Variants in SCGB1A1 observed in about 807,000 individuals in gnomAD.
SCGB1A1 encodes the protein uteroglobin.
A neutral mutation model predicts 7.5 loss-of-function variants in SCGB1A1; 8 were observed. The observed-to-expected ratio is 1.07, with a 90% CI of 0.63 to 1.92. The LOEUF is 1.92. SCGB1A1 is among the 30% of genes most tolerant of loss of function. The pLI is 0.00. For missense variants in SCGB1A1, 121 were observed against 112.7 expected, an observed-to-expected ratio of 1.07 and a Z score of -0.33; for synonymous variants, 44 against 40.8, an observed-to-expected ratio of 1.08 and a Z score of -0.30.
At chr11:62,420,311 A>G (rs1290395208) in intron 1 of SCGB1A1, among the ~76,000 whole-genome samples, 1 of 135,092 alleles carries the variant, frequency 7.4e-6, no homozygotes, top group East Asian at 2.1e-4. Flanking sequence ...ATCTCTTTTC[A>G]TTCTTTTTTT....
At chr11:62,422,181 G>C in intron 1 of SCGB1A1, 40 bp from the exon 2 acceptor site, 1 of 1,539,808 alleles carries the variant, frequency 6.5e-7, no homozygotes. Context: ...AGCTTGGAAA[G>C]GGGCCTGGAG....
intron 2 of SCGB1A1, among the ~76,000 whole-genome samples, 163 bp downstream of exon 2, chr11:62,422,571 CT>C (rs35723955): frequency 2.0e-3 from 221 of 112,376 alleles, no homozygotes; most frequent in African/African-American, 5.3e-3. Flanking sequence ...TCTCCTCTTC[CT>C]TTTTTTTTTT....
In SCGB1A1 at chr11:62,422,299, C is replaced by G; in HGVS notation, c.134C>G (p.Ala45Gly). The change falls in exon 2 of 3, where the codon GCC (alanine) becomes GGC (glycine). Residue 45 changes from alanine (A) to glycine (G), a missense_variant. Physicochemically the swap from Ala to Gly is moderately conservative, Grantham distance 60. Transcript: ENST00000278282. The stretch of plus-strand genomic sequence containing the variant: ...GACACACCCTCCAGTTATGAGGCTG[C>G]CATGGAACTTTTCAGCCCTGATCAA... The part of the protein sequence containing the change: ...LMDTPSSYEA[A>G]MELFSPDQDM... 6.2e-7 allele frequency: 1 copy of G among 1,614,056 alleles called. No individual in the cohort carries two copies. Among genetic ancestry groups the G allele is most frequent in the Non-Finnish European group, 8.5e-7 (1 of 1,179,940 alleles).
chr11:62,423,143 T>G lies in SCGB1A1; in HGVS notation c.*52T>G, dbSNP rs746787232. ...GCTCCAGCCTCTGCCGCTGCCATGC[T>G]TTGAGTCCACGCCCACCAGCCTTGC... On this transcript the variant is annotated 3_prime_UTR_variant, in exon 3 of 3. Transcript: ENST00000278282. 2.6e-6 allele frequency: 4 copies of G among 1,567,492 alleles called. No individual in the cohort carries two copies. Among genetic ancestry groups the G allele is most frequent in the Non-Finnish European group, 2.6e-6 (3 of 1,137,750 alleles).
rs746269076 is a variant in SCGB1A1, at chr11:62,422,322, CA to C, written c.159del (p.Asp54ThrfsTer2). The C allele has an allele frequency of 6.2e-7, 1 of 1,614,144 alleles. No individual in the cohort carries two copies. The highest frequency in any genetic ancestry group is 1.7e-5 in the Admixed American group (1 of 60,022). On this transcript the variant is annotated frameshift_variant, in exon 2 of 3. Transcript: ENST00000278282. LOFTEE classifies it high-confidence loss of function. ...TGCCATGGAACTTTTCAGCCCTGAT[CA>C]AGACATGAGGGAGGCAGGGGCTCAG... ...EAAMELFSPD[Q>X]DMREAGAQLK...
intron 1 of SCGB1A1, among the ~76,000 whole-genome samples, chr11:62,421,341 A>C (rs1404449048): frequency 6.6e-6 from 1 of 152,194 alleles, no homozygotes; most frequent in Non-Finnish European, 1.5e-5. Flanking sequence ...AAGTGGTACA[A>C]GTGGCTGCTC....
chr11:62,419,623 G>T (rs1426413409), intron 1 of SCGB1A1, among the ~76,000 whole-genome samples: 1 of 152,286 alleles, frequency 6.6e-6, no homozygotes, highest in South Asian at 2.1e-4. Flanking sequence ...CCCAAGACAA[G>T]GTCTCTCATT....
intron 1 of SCGB1A1, among the ~76,000 whole-genome samples, chr11:62,420,054 G>A (rs1269245043): frequency 1.3e-5 from 2 of 152,182 alleles, no homozygotes; most frequent in African/African-American, 2.4e-5. Flanking sequence ...AGAAGCAGTA[G>A]GAACAACTAT....
At chr11:62,420,190 A>G (rs1937745715) in intron 1 of SCGB1A1, among the ~76,000 whole-genome samples, 1 of 152,186 alleles carries the variant, frequency 6.6e-6, no homozygotes, top group Admixed American at 6.5e-5. Context: ...TAGGACTGCA[A>G]CATGTTAAGG....
At chr11:62,421,995 G>A (rs896150322) in intron 1 of SCGB1A1, 4 of 386,224 alleles carry the variant, frequency 1.0e-5, no homozygotes, top group Non-Finnish European at 1.9e-5. Context: ...TCAATACTCT[G>A]CCTTGATCTC....
intron 2 of SCGB1A1, among the ~76,000 whole-genome samples, chr11:62,422,825 CAG>C: frequency 6.6e-6 from 1 of 152,134 alleles, no homozygotes; most frequent in African/African-American, 2.4e-5. Flanking sequence ...CCACCCGCCT[CAG>C]CCTCCCAAAG....
chr11:62,421,491 T>TCTTG (rs10676203), intron 1 of SCGB1A1, among the ~76,000 whole-genome samples: 50,571 of 148,616 alleles, frequency 0.34, 8,760 homozygotes, highest in South Asian at 0.36. Context: ...TTTTCTTTTC[T>TCTTG]CTTGCTTGCT....
At chr11:62,419,239 A>G in intron 1 of SCGB1A1, 89 bp downstream of exon 1, 1 of 1,086,902 alleles carries the variant, frequency 9.2e-7, no homozygotes. Flanking sequence ...TGAGCTGCCC[A>G]TTCCTGCTCT....
chr11:62,422,976 C>T, intron 2 of SCGB1A1, 83 bp from the exon 3 acceptor site: 1 of 1,306,428 alleles, frequency 7.7e-7, no homozygotes, highest in Middle Eastern at 1.8e-4. Flanking sequence ...GTTGAAGTTT[C>T]TGTGGCTCGT....
rs1937837394 is a variant in SCGB1A1, at chr11:62,422,911, T to C, written c.244-148T>C. ...TTTGTAAGAGGCTTTTGAGAAACAA[T>C]CCAAGCCCTTACTACCTTAGTTCCT... On this transcript the variant is annotated intron_variant, in intron 2 of 2. Coordinates refer to ENST00000278282, the MANE Select transcript of SCGB1A1 (RefSeq NM_003357.5). 7 of 735,954 alleles carry C rather than the reference T, an allele frequency of 9.5e-6. No individual in the cohort carries two copies. The South Asian group carries it at 1.2e-4, about 12-fold the overall frequency. The allele number at this position is 735,954 out of a possible 1,614,324, so 45.6% of individuals were successfully genotyped here.
Position 62,422,278 on chromosome 11 carries a change from C to T in SCGB1A1, c.113C>T (p.Thr38Ile), listed in dbSNP as rs769435378. 1 of 1,614,102 alleles carries T rather than the reference C, an allele frequency of 6.2e-7. No homozygotes were observed. The highest frequency in any genetic ancestry group is 8.5e-7 in the Non-Finnish European group (1 of 1,179,966). Residue 38 changes from threonine to isoleucine, a missense_variant, in exon 2 of 3, where the codon ACA becomes ATA. Transcript: ENST00000278282. ...QRVIETLLMD[T>I]PSSYEAAMEL... The stretch of plus-strand genomic sequence containing the variant: ...GTCATCGAAACCCTCCTCATGGACA[C>T]ACCCTCCAGTTATGAGGCTGCCATG...
intron 1 of SCGB1A1, 95 bp downstream of exon 1, chr11:62,419,245 G>T: frequency 2.0e-6 from 2 of 1,012,072 alleles, no homozygotes; most frequent in Non-Finnish European, 2.7e-6. Context: ...GCCCATTCCT[G>T]CTCTGGAGCT....
intron 1 of SCGB1A1, among the ~76,000 whole-genome samples, chr11:62,420,688 A>C (rs1379087290): frequency 6.6e-6 from 1 of 150,642 alleles, no homozygotes; most frequent in Non-Finnish European, 1.5e-5. Flanking sequence ...TAATCCCAGC[A>C]ATTTGGGAGG....
In SCGB1A1 at chr11:62,422,208, C is replaced by G; in HGVS notation, c.56-13C>G. 6.3e-7 allele frequency: 1 copy of G among 1,598,130 alleles called. No homozygotes were observed. The highest frequency in any genetic ancestry group is 8.6e-7 in the Non-Finnish European group (1 of 1,169,256). ...GGCCTGGAGACATGTGCCTTCTCTC[C>G]TCTGTGTTGCAGCTTCTGCAGAGAT... is the stretch of plus-strand genomic sequence containing the variant. On this transcript the variant is annotated splice_polypyrimidine_tract_variant and intron_variant, in intron 1 of 2. Transcript: ENST00000278282.
Sources: gnomAD v4.1 joint callset for allele counts (sites outside exome capture counted in the v4.1 genomes callset) on GRCh38, gnomAD v4.1.1 for gene constraint, MANE v1.5 for transcripts, NCBI Gene and HGNC (gene_info 2026-07-23, HGNC 2026-07-21) for gene names.